PAK5: variants seen among roughly 807,000 people sequenced by gnomAD.
The protein encoded by PAK5 is serine/threonine-protein kinase PAK 5.
Under a neutral mutation model 65.9 loss-of-function variants are expected in PAK5, and 16 were observed. That is an observed-to-expected ratio of 0.24 (90% confidence interval 0.16 to 0.37). PAK5 has a LOEUF of 0.37. Ranked by LOEUF, PAK5 falls within the 10% of genes least tolerant of loss-of-function variation. The pLI, the probability that PAK5 is intolerant of heterozygous loss-of-function variation, is 1.00. For missense variants in PAK5, 785 were observed against 903.9 expected, an observed-to-expected ratio of 0.87 and a Z score of 1.69; for synonymous variants, 371 against 354.9, an observed-to-expected ratio of 1.05 and a Z score of -0.51.
rs1362672346 is a variant in PAK5 at position 9,766,384 on chromosome 20, ATATG to A, written c.-161-54953_-161-54950del. ...ATATATATATATTCAAGCAGAATAT[ATATG>A]TATATATATATTCAAGCAGAATATA... On this transcript the variant is annotated intron_variant, in intron 1 of 9. Coordinates refer to ENST00000353224, the MANE Select transcript of PAK5 (RefSeq NM_177990.4). Among the ~76,000 whole-genome samples, 80 of 58,344 alleles carry A rather than the reference ATATG, an allele frequency of 1.4e-3. 4 individuals are homozygous for A. Among genetic ancestry groups the A allele is most frequent in the Middle Eastern group, 7.4e-3 (1 of 136 alleles). 38.3% of individuals were successfully genotyped at this position (58,344 alleles called of 152,430 possible).
chr20:9,558,428 A>G (rs950782392), intron 6 of PAK5, among the ~76,000 whole-genome samples: 4 of 152,118 alleles, frequency 2.6e-5, no homozygotes, highest in African/African-American at 9.7e-5. Context: ...TGAACTCTTA[A>G]CAGATAATTC....
intron 3 of PAK5, among the ~76,000 whole-genome samples, chr20:9,584,939 C>T (rs1305745529): frequency 6.6e-6 from 1 of 152,156 alleles, no homozygotes; most frequent in East Asian, 1.9e-4. Flanking sequence ...TTTGTGTTGA[C>T]AGATGTGCCA....
intron 1 of PAK5, among the ~76,000 whole-genome samples, chr20:9,832,258 T>C (rs954184089): frequency 1.3e-5 from 2 of 152,090 alleles, no homozygotes; most frequent in African/African-American, 4.8e-5. Context: ...ATTTAAACTT[T>C]TAAAAGTTTT....
At chr20:9,643,909 T>C (rs1384433910) in intron 3 of PAK5, among the ~76,000 whole-genome samples, 1 of 152,232 alleles carries the variant, frequency 6.6e-6, no homozygotes, top group Non-Finnish European at 1.5e-5. Context: ...TGTCTGATTA[T>C]TCAAAAATCA....
chr20:9,561,892 A>G, intron 6 of PAK5, among the ~76,000 whole-genome samples: 1 of 152,232 alleles, frequency 6.6e-6, no homozygotes, highest in East Asian at 1.9e-4. Context: ...TCCATGAACC[A>G]GCAGCATTGC....
intron 3 of PAK5, among the ~76,000 whole-genome samples, chr20:9,607,890 T>C (rs2046484505): frequency 6.6e-6 from 1 of 152,204 alleles, no homozygotes; most frequent in African/African-American, 2.4e-5. Context: ...TTGGTACTAT[T>C]AGTCGATTTA....
chr20:9,603,147 G>A (rs4816152), intron 3 of PAK5, among the ~76,000 whole-genome samples: 15,980 of 152,210 alleles, frequency 0.1, 1,017 homozygotes, highest in East Asian at 0.29. Flanking sequence ...AGACGCCTCC[G>A]GTGTAGAAAA....
At chr20:9,555,812 G>C (rs2045497356) in intron 7 of PAK5, among the ~76,000 whole-genome samples, 1 of 152,176 alleles carries the variant, frequency 6.6e-6, no homozygotes, top group Non-Finnish European at 1.5e-5. Flanking sequence ...ATCAGGGCTT[G>C]CCTCCTTTGG....
intron 1 of PAK5, among the ~76,000 whole-genome samples, chr20:9,771,970 C>T (rs913931921): frequency 6.6e-6 from 1 of 151,938 alleles, no homozygotes; most frequent in Non-Finnish European, 1.5e-5. Flanking sequence ...CCCGAGAGGC[C>T]GAAGATACAG....
rs1417534560 is a variant in PAK5 at position 9,738,941 on chromosome 20, G to GATAACC, written c.-161-27507_-161-27506insGGTTAT. On this transcript the variant is annotated intron_variant, in intron 1 of 9. Transcript: ENST00000353224. ...CATTTCAAGTGCTTGATAACCACGT[G>GATAACC]AGGCTAATGGCTACTGTCTGGTCTG... Among the ~76,000 whole-genome samples the GATAACC allele has an allele frequency of 2.6e-5, 4 of 152,066 alleles. No individual in the cohort carries two copies. In the East Asian group the frequency reaches 7.7e-4, roughly 29 times the overall value.
chr20:9,639,412 G>C (rs2047022656), intron 3 of PAK5, among the ~76,000 whole-genome samples: 1 of 152,000 alleles, frequency 6.6e-6, no homozygotes, highest in South Asian at 2.1e-4. Flanking sequence ...GTTAGTATGA[G>C]GTACTAGATT....
Position 9,592,826 on chromosome 20 carries a change from C to G in PAK5, c.205-11896G>C, listed in dbSNP as rs1342838913. Among the ~76,000 whole-genome samples, 4 of 152,154 alleles carry G rather than the reference C, an allele frequency of 2.6e-5. No homozygotes were observed. In the East Asian group the frequency reaches 5.8e-4, roughly 22 times the overall value. On this transcript the variant is annotated intron_variant, in intron 3 of 9. Transcript: ENST00000353224. Reference sequence around the variant, plus strand: ...ATAAGTAAGGAGAATGCAGCAAGGTCAAAGACTGAAAGTCTAAGGGAGAGA... The same window carrying G: ...ATAAGTAAGGAGAATGCAGCAAGGTGAAAGACTGAAAGTCTAAGGGAGAGA...
intron 1 of PAK5, among the ~76,000 whole-genome samples, chr20:9,745,186 G>A (rs1438349745): frequency 6.6e-5 from 10 of 151,906 alleles, no homozygotes; most frequent in Admixed American, 2.0e-4. Flanking sequence ...CAATCTTAGC[G>A]ATTAATTGAA....
intron 4 of PAK5, among the ~76,000 whole-genome samples, chr20:9,578,940 T>C (rs2045932927): frequency 6.6e-6 from 1 of 152,228 alleles, no homozygotes; most frequent in Non-Finnish European, 1.5e-5. Context: ...TTATCAAGAT[T>C]TGTTTTTAAT....
intron 1 of PAK5, among the ~76,000 whole-genome samples, chr20:9,787,476 C>T (rs543434667): frequency 6.6e-6 from 1 of 152,220 alleles, no homozygotes; most frequent in East Asian, 1.9e-4. Context: ...CTTAAGCATT[C>T]CCTGGGCTTC....
intron 7 of PAK5, among the ~76,000 whole-genome samples, chr20:9,545,478 C>A (rs942001127): frequency 2.6e-5 from 4 of 152,136 alleles, no homozygotes; most frequent in African/African-American, 4.8e-5. Flanking sequence ...AGAATGACCA[C>A]TTGAAGTGAA....
At chr20:9,691,864 T>C (rs753999822) in intron 2 of PAK5, among the ~76,000 whole-genome samples, 1 of 152,242 alleles carries the variant, frequency 6.6e-6, no homozygotes, top group Non-Finnish European at 1.5e-5. Context: ...TCATTAGTTT[T>C]GACCTTTGAT....
chr20:9,827,655 A>G (rs1328601666), intron 1 of PAK5, among the ~76,000 whole-genome samples: 1 of 152,190 alleles, frequency 6.6e-6, no homozygotes, highest in Non-Finnish European at 1.5e-5. Flanking sequence ...GTAGCTGTAT[A>G]GAAAGTTTTC....
chr20:9,799,119 C>T (rs924391217), intron 1 of PAK5, among the ~76,000 whole-genome samples: 3 of 152,110 alleles, frequency 2.0e-5, no homozygotes, highest in African/African-American at 7.2e-5. Context: ...ATATCTATCT[C>T]AGCCACTTTT....
Sources: allele counts gnomAD v4.1 joint callset (sites outside exome capture counted in the v4.1 genomes callset), GRCh38; gene constraint gnomAD v4.1.1; transcripts MANE v1.5; gene names NCBI Gene and HGNC (gene_info 2026-07-23, HGNC 2026-07-21).